The following ZNF618 variants were observed in gnomAD, a reference collection of about 807,000 sequenced individuals.
The protein encoded by ZNF618 is neural precursor cell expressed, developmentally down-regulated 10.
In ZNF618, 34 loss-of-function variants were observed where a neutral mutation model predicts 103.0. That is an observed-to-expected ratio of 0.33 (90% CI 0.25 to 0.44). The LOEUF (loss-of-function observed/expected upper bound fraction) is 0.44, where lower values mean the gene tolerates loss of function less well. ZNF618 is among the 20% of genes least tolerant of loss of function. ZNF618 has a pLI of 1.00. For synonymous variants in ZNF618, 551 were observed against 542.2 expected (o/e 1.02, Z -0.23); for missense variants, 1,059 against 1,295.4 (o/e 0.82, Z 2.80).
intron 1 of ZNF618, among the ~76,000 whole-genome samples, chr9:113,946,162 C>T (rs1835011179): frequency 6.6e-6 from 1 of 152,188 alleles, no homozygotes; most frequent in South Asian, 2.1e-4. Flanking sequence ...TCTGCGGAGC[C>T]CCCTGGGCCA....
chr9:113,964,733 T>G (rs982567346), intron 1 of ZNF618, among the ~76,000 whole-genome samples: 2 of 150,668 alleles, frequency 1.3e-5, no homozygotes, highest in African/African-American at 4.9e-5. Context: ...AAGAGCAAAT[T>G]CTACCCCTCC....
intron 10 of ZNF618, among the ~76,000 whole-genome samples, chr9:114,025,579 C>T (rs936520343): frequency 2.0e-5 from 3 of 152,180 alleles, no homozygotes; most frequent in African/African-American, 7.2e-5. Context: ...TCCAGCATGA[C>T]AGTGTTCCCT....
intron 10 of ZNF618, chr9:114,027,831 C>T (rs947752616): frequency 2.0e-5 from 3 of 152,386 alleles, no homozygotes; most frequent in Non-Finnish European, 4.4e-5. Context: ...CTCGGGGGTT[C>T]TGTGAGCCTC....
chr9:114,033,686 G>A (rs527802072), intron 12 of ZNF618, among the ~76,000 whole-genome samples: 1 of 152,164 alleles, frequency 6.6e-6, no homozygotes, highest in African/African-American at 2.4e-5. Flanking sequence ...TCCGAGCAGG[G>A]CACAGCAAGC....
At chr9:114,042,741 A>T (rs769034066) in intron 13 of ZNF618, among the ~76,000 whole-genome samples, 5 of 152,206 alleles carry the variant, frequency 3.3e-5, no homozygotes, top group African/African-American at 4.8e-5. Flanking sequence ...CAGGTGGAGG[A>T]TCACTTGAGC....
In ZNF618 at chr9:113,956,209, CAAAAAAAAAAAAA is replaced by C. The variant is rs10537910; in HGVS notation, c.34-12890_34-12878del. Among the ~76,000 whole-genome samples, 114 of 44,578 alleles carry C rather than the reference CAAAAAAAAAAAAA, an allele frequency of 2.6e-3. No homozygotes were observed. The South Asian group carries it at 0.035, about 14-fold the overall frequency. The allele number at this position is 44,578 out of a possible 152,430, so 29.2% of individuals were successfully genotyped here. ...GGGCAACGAGAGTTAAACTCTGTCT[CAAAAAAAAAAAAA>C]AAAAAAAAAAAAAAAAAGAAGAGCA... On this transcript the variant is annotated intron_variant, in intron 1 of 14. Transcript: ENST00000374126.
chr9:114,044,383 C>G (rs1845477714), intron 13 of ZNF618, among the ~76,000 whole-genome samples: 2 of 152,112 alleles, frequency 1.3e-5, no homozygotes, highest in South Asian at 4.1e-4. Context: ...ATTCTCTAGT[C>G]TGTTCTATTG....
intron 9 of ZNF618, among the ~76,000 whole-genome samples, chr9:114,012,058 C>T (rs1217102555): frequency 6.8e-6 from 1 of 147,400 alleles, no homozygotes; most frequent in Admixed American, 6.8e-5. Context: ...GTAAATTCCA[C>T]ATAACAAGAA....
At chr9:114,042,877 C>T (rs993266686) in intron 13 of ZNF618, among the ~76,000 whole-genome samples, 5 of 152,130 alleles carry the variant, frequency 3.3e-5, no homozygotes, top group African/African-American at 1.2e-4. Flanking sequence ...TCCTTCATGC[C>T]CCTTTGCAGT....
At chr9:113,941,669 C>T (rs1416860287) in intron 1 of ZNF618, among the ~76,000 whole-genome samples, 1 of 152,192 alleles carries the variant, frequency 6.6e-6, no homozygotes, top group Non-Finnish European at 1.5e-5. Flanking sequence ...TAATACTAGA[C>T]TGAGTCTTAC....
At chr9:113,923,255 T>C (rs1387802366) in intron 1 of ZNF618, among the ~76,000 whole-genome samples, 1 of 152,188 alleles carries the variant, frequency 6.6e-6, no homozygotes, top group African/African-American at 2.4e-5. Flanking sequence ...TTGTTTTGTT[T>C]TGTTTTTACA....
chr9:113,880,002 C>T (rs923359493), intron 1 of ZNF618, among the ~76,000 whole-genome samples: 1 of 152,082 alleles, frequency 6.6e-6, no homozygotes, highest in Non-Finnish European at 1.5e-5. Flanking sequence ...AATAAACAGC[C>T]AATGGCTTGT....
At chr9:113,938,692 C>T (rs1834266060) in intron 1 of ZNF618, among the ~76,000 whole-genome samples, 1 of 151,806 alleles carries the variant, frequency 6.6e-6, no homozygotes, top group African/African-American at 2.4e-5. Context: ...CCTCAGCCTC[C>T]CAAGTAACTG....
intron 1 of ZNF618, among the ~76,000 whole-genome samples, chr9:113,965,799 A>G (rs1352311451): frequency 6.6e-6 from 1 of 152,214 alleles, no homozygotes; most frequent in Non-Finnish European, 1.5e-5. Flanking sequence ...AGATGGTGGA[A>G]CAACAGCAGC....
intron 4 of ZNF618, among the ~76,000 whole-genome samples, chr9:114,001,350 T>G (rs1303419935): frequency 2.0e-5 from 3 of 151,776 alleles, no homozygotes; most frequent in African/African-American, 4.8e-5. Flanking sequence ...TCAGCAGGTG[T>G]GGGGGGCGGT....
chr9:113,951,491 G>GTATATA lies in ZNF618; in HGVS notation c.34-17625_34-17624insATATAT, dbSNP rs1280273463. On this transcript the variant is annotated intron_variant, in intron 1 of 14. Transcript: ENST00000374126. ...TGTGTGTATGTGTACACATATATGT[G>GTATATA]TGTATGTGTACACATATATGTGTGT... Among the ~76,000 whole-genome samples the GTATATA allele has an allele frequency of 5.5e-3, 310 of 56,072 alleles. 17 individuals are homozygous for GTATATA. Among genetic ancestry groups the GTATATA allele is most frequent in the African/African-American group, 0.016 (284 of 17,648 alleles). The allele number at this position is 56,072 out of a possible 152,430, so 36.8% of individuals were successfully genotyped here. A position where few individuals can be genotyped will look rare whatever the true frequency, so the allele number is the denominator to read the frequency against.
At chr9:113,990,074 C>T (rs1246408251) in intron 3 of ZNF618, among the ~76,000 whole-genome samples, 1 of 152,240 alleles carries the variant, frequency 6.6e-6, no homozygotes, top group Non-Finnish European at 1.5e-5. Context: ...GTAGTCTGCT[C>T]TTCCTGTACT....
At chr9:113,917,856 C>A in intron 1 of ZNF618, among the ~76,000 whole-genome samples, 1 of 152,006 alleles carries the variant, frequency 6.6e-6, no homozygotes, top group Non-Finnish European at 1.5e-5. Flanking sequence ...ATGTTAACTT[C>A]TATGCCCATA....
intron 2 of ZNF618, among the ~76,000 whole-genome samples, chr9:113,984,871 C>A (rs951850023): frequency 6.6e-6 from 1 of 152,222 alleles, no homozygotes; most frequent in Admixed American, 6.5e-5. Context: ...ACCACCTCTG[C>A]AGCACTAGAC....
Sources: allele counts gnomAD v4.1 joint callset (sites outside exome capture counted in the v4.1 genomes callset), GRCh38; gene constraint gnomAD v4.1.1; transcripts MANE v1.5; gene names NCBI Gene and HGNC (gene_info 2026-07-23, HGNC 2026-07-21).